The following MBP variants were observed in gnomAD, a reference collection of about 807,000 sequenced individuals.
MBP encodes Golli-MBP.
MBP carries 16 observed loss-of-function variants against 35.8 expected under a neutral mutation model. That is an observed-to-expected ratio of 0.45 (90% confidence interval 0.30 to 0.68). The LOEUF (loss-of-function observed/expected upper bound fraction) is 0.68. Among genes scored for constraint, MBP ranks in the 30% least tolerant of loss-of-function variants. The pLI, the probability that MBP is intolerant of heterozygous loss-of-function variation, is 0.08. For synonymous variants in MBP, 143 were observed against 159.6 expected (o/e 0.90, Z 0.78); for missense variants, 380 against 404.7 (o/e 0.94, Z 0.52).
chr18:77,043,889 G>A (rs999270137), intron 3 of MBP, among the ~76,000 whole-genome samples: 3 of 151,868 alleles, frequency 2.0e-5, no homozygotes, highest in Admixed American at 6.6e-5. Context: ...ACTGTCACGC[G>A]TCCACTCTGC....
intron 3 of MBP, among the ~76,000 whole-genome samples, chr18:77,033,685 A>G (rs539767026): frequency 1.1e-3 from 173 of 151,686 alleles, no homozygotes; most frequent in African/African-American, 4.0e-3. Flanking sequence ...CCATATATCA[A>G]TTTATCCATC....
chr18:76,985,987 A>G (rs2123092907), intron 7 of MBP: 2 of 985,596 alleles, frequency 2.0e-6, no homozygotes, highest in East Asian at 1.1e-4. Flanking sequence ...ACCAGCCTCT[A>G]CTTGCTACTG....
intron 2 of MBP, among the ~76,000 whole-genome samples, chr18:77,089,010 G>A (rs1423527853): frequency 6.6e-6 from 1 of 152,250 alleles, no homozygotes; most frequent in Non-Finnish European, 1.5e-5. Flanking sequence ...AGGGCCTGGC[G>A]CAGTGGTGCT....
chr18:77,001,990 C>T (rs985613851), intron 4 of MBP, among the ~76,000 whole-genome samples: 3 of 152,224 alleles, frequency 2.0e-5, no homozygotes, highest in Non-Finnish European at 4.4e-5. Context: ...CCTTTCAGAT[C>T]ACACATATTA....
intron 4 of MBP, chr18:77,016,518 A>G (rs1006702174): frequency 3.0e-5 from 37 of 1,221,988 alleles, no homozygotes; most frequent in Admixed American, 3.7e-5. Context: ...AGACCCTGAG[A>G]ATGTGGCTCT....
intron 2 of MBP, chr18:77,093,260 C>T (rs1392212746): frequency 6.6e-6 from 1 of 152,252 alleles, no homozygotes; most frequent in Non-Finnish European, 1.5e-5. Flanking sequence ...CCAGGGGCCA[C>T]CTCGAGGGGG....
chr18:77,122,450 G>A (rs899895656), intron 1 of MBP, among the ~76,000 whole-genome samples: 2 of 152,196 alleles, frequency 1.3e-5, no homozygotes, highest in Non-Finnish European at 2.9e-5. Flanking sequence ...GCTGGGAGAC[G>A]CTCAGGCAGC....
At chr18:77,060,451 T>TC (rs1230156495) in intron 3 of MBP, among the ~76,000 whole-genome samples, 2 of 125,072 alleles carry the variant, frequency 1.6e-5, no homozygotes, top group African/African-American at 8.8e-5. Flanking sequence ...CTCTCTCCTT[T>TC]TTTTTTTTTT....
chr18:76,987,445 CAT>C (rs1969619506), intron 7 of MBP: 2 of 985,278 alleles, frequency 2.0e-6, no homozygotes, highest in African/African-American at 1.7e-5. Context: ...TCAGTGTAAT[CAT>C]GTGTGGGACT....
intron 2 of MBP, among the ~76,000 whole-genome samples, chr18:77,099,658 C>T (rs1412297192): frequency 6.6e-6 from 1 of 152,236 alleles, no homozygotes; most frequent in Non-Finnish European, 1.5e-5. Flanking sequence ...GCAGGCCCGG[C>T]CCAGCTCTGC....
intron 4 of MBP, among the ~76,000 whole-genome samples, chr18:76,997,927 C>G (rs1016122484): frequency 6.6e-6 from 1 of 152,180 alleles, no homozygotes; most frequent in African/African-American, 2.4e-5. Flanking sequence ...CGTGATCCGC[C>G]CGCCTCGGCC....
intron 2 of MBP, among the ~76,000 whole-genome samples, chr18:77,089,567 C>T (rs1261020590): frequency 6.6e-6 from 1 of 152,174 alleles, no homozygotes; most frequent in Non-Finnish European, 1.5e-5. Flanking sequence ...GGAACATGAC[C>T]CTGCCCACAC....
chr18:76,995,616 T>C (rs959283417), intron 4 of MBP, among the ~76,000 whole-genome samples: 2 of 151,812 alleles, frequency 1.3e-5, no homozygotes, highest in South Asian at 4.2e-4. Context: ...CAATTGAACA[T>C]CCATATGTTA....
intron 7 of MBP, chr18:76,986,377 CTTAT>C: frequency 1.0e-6 from 1 of 985,548 alleles, no homozygotes; most frequent in Non-Finnish European, 1.2e-6. Flanking sequence ...TAGCCCATCT[CTTAT>C]TTAGAGGTGA....
At chr18:77,083,488 T>A (rs573736004) in intron 2 of MBP, among the ~76,000 whole-genome samples, 1 of 152,334 alleles carries the variant, frequency 6.6e-6, no homozygotes, top group Admixed American at 6.5e-5. Context: ...TTAAAGAAAC[T>A]ACACAGGAGA....
chr18:76,991,921 A>G (rs573524010), intron 4 of MBP, among the ~76,000 whole-genome samples: 2 of 152,210 alleles, frequency 1.3e-5, no homozygotes, highest in African/African-American at 4.8e-5. Context: ...CTTTTCTGGG[A>G]TTTATGGTAG....
At chr18:77,109,124 G>C (rs554266130) in intron 1 of MBP, 1 of 152,388 alleles carries the variant, frequency 6.6e-6, no homozygotes, top group East Asian at 1.9e-4. Context: ...CCTCCACCAG[G>C]TCCAGGGTTC....
At chr18:77,023,718 T>C (rs749756556) in intron 3 of MBP, among the ~76,000 whole-genome samples, 9 of 152,132 alleles carry the variant, frequency 5.9e-5, no homozygotes, top group Admixed American at 1.3e-4. Context: ...GTCTCAACAA[T>C]GGCCACGCTG....
chr18:76,987,458 G>A, intron 7 of MBP: 1 of 985,494 alleles, frequency 1.0e-6, no homozygotes, highest in Non-Finnish European at 1.2e-6. Context: ...GTGTGGGACT[G>A]ATCTGGGATC....
Sources: gnomAD v4.1 joint callset for allele counts (sites outside exome capture counted in the v4.1 genomes callset) on GRCh38, gnomAD v4.1.1 for gene constraint, MANE v1.5 for transcripts, NCBI Gene and HGNC (gene_info 2026-07-23, HGNC 2026-07-21) for gene names.